Variants in GPR35 observed in about 807,000 individuals in gnomAD.
The protein encoded by GPR35 is KYNA receptor.
For missense variants in GPR35, 372 were observed against 422.5 expected, an observed-to-expected ratio of 0.88 and a Z score of 1.05; for synonymous variants, 207 against 198.4, an observed-to-expected ratio of 1.04 and a Z score of -0.36.
intron 1 of GPR35, chr2:240,628,868 C>G (rs1251427519): frequency 6.6e-6 from 1 of 152,254 alleles, no homozygotes; most frequent in Non-Finnish European, 1.5e-5. Flanking sequence ...ACTGAGTAAC[C>G]CAGGTGGTGG....
At chr2:240,629,639 C>G in intron 1 of GPR35, 1 of 300,816 alleles carries the variant, frequency 3.3e-6, no homozygotes. Context: ...GAGGGTAGGG[C>G]TTGCTGGGCT....
intron 1 of GPR35, chr2:240,628,004 A>G (rs2043397714): frequency 6.6e-6 from 1 of 152,156 alleles, no homozygotes; most frequent in South Asian, 2.1e-4. Context: ...ATCGCCCTCT[A>G]GCTGTGCAGA....
intron 2 of GPR35, among the ~76,000 whole-genome samples, chr2:240,616,107 C>T (rs2043234582): frequency 6.6e-6 from 1 of 152,154 alleles, no homozygotes; most frequent in Non-Finnish European, 1.5e-5. Flanking sequence ...TTCTGTTTCG[C>T]CTGCTTGGTA....
upstream of GPR35, chr2:240,625,399 C>T (rs1002184891): frequency 1.1e-5 from 11 of 985,392 alleles, no homozygotes; most frequent in Non-Finnish European, 1.3e-5. Context: ...GACCTGCTGC[C>T]GTCAGTCAGC....
intron 1 of GPR35, chr2:240,629,723 GAA>G: frequency 2.1e-6 from 1 of 466,736 alleles, no homozygotes; most frequent in South Asian, 4.8e-5. Flanking sequence ...TCCCAGGAGA[GAA>G]GAGCTCAGGA....
rs370600561 is a variant in GPR35 at position 240,627,655 on chromosome 2, T to G, written c.-5+2087T>G. On this transcript the variant is annotated intron_variant, in intron 1 of 1. Coordinates refer to ENST00000407714, the MANE Select transcript of GPR35 (RefSeq NM_005301.5). Reference sequence around the variant, plus strand: ...TTTTTTTTTTTTTTTTTTTTTTTTTTGTAGAGACGGGGTCTCCCTGTGATG... The same window carrying G: ...TTTTTTTTTTTTTTTTTTTTTTTTTGGTAGAGACGGGGTCTCCCTGTGATG... The G allele has an allele frequency of 3.5e-3, 421 of 120,256 alleles. 1 individual carries two copies. Among genetic ancestry groups the G allele is most frequent in the African/African-American group, 0.013 (403 of 31,194 alleles). The allele number at this position is 120,256 out of a possible 1,614,324, so 7.4% of individuals were successfully genotyped here.
chr2:240,611,672 G>A (rs1039076870), intron 2 of GPR35, among the ~76,000 whole-genome samples: 7 of 152,178 alleles, frequency 4.6e-5, no homozygotes, highest in African/African-American at 1.7e-4. Context: ...TGATGAAAGG[G>A]CTGGATGATG....
At chr2:240,617,266 C>A in exon 4 of GPR35, 1 of 707,096 alleles carries the variant, frequency 1.4e-6, no homozygotes, top group Non-Finnish European at 2.6e-6. Context: ...ACTGCAGCCC[C>A]GGCTGACACC....
At chr2:240,606,313 C>G (rs1055777110) in intron 1 of GPR35, 2 of 152,354 alleles carry the variant, frequency 1.3e-5, no homozygotes, top group Non-Finnish European at 1.5e-5. Context: ...GGAGGAGCAG[C>G]CAGGCTTGGG....
At chr2:240,605,462 T>C (rs1457558208) in exon 1 of GPR35, 1 of 152,302 alleles carries the variant, frequency 6.6e-6, no homozygotes, top group African/African-American at 2.4e-5. Context: ...GGCACAGCAG[T>C]TGGTGACTCC....
In GPR35 at chr2:240,630,606, G is replaced by T. The variant is rs1272983864; in HGVS notation, c.654G>T (p.Met218Ile). 1 of 1,612,896 alleles carries T rather than the reference G, an allele frequency of 6.2e-7. No individual in the cohort carries two copies. Among genetic ancestry groups the T allele is most frequent in the African/African-American group, 1.3e-5 (1 of 75,058 alleles). The change falls in exon 2 of 2, where the codon ATG (methionine) becomes ATT (isoleucine). Residue 218 changes from methionine to isoleucine, a missense_variant. Physicochemically the swap from Met to Ile is conservative, Grantham distance 10 (BLOSUM62 1). Coordinates refer to ENST00000407714, the MANE Select transcript of GPR35 (RefSeq NM_005301.5). ...QAEATRKAAR[M>I]VWANLLVFVV... The stretch of plus-strand genomic sequence containing the variant: ...AGGCCACCCGCAAGGCTGCCCGCAT[G>T]GTCTGGGCCAACCTCCTGGTGTTCG...
intron 1 of GPR35, chr2:240,627,881 G>C (rs1430214237): frequency 6.6e-6 from 1 of 152,076 alleles, no homozygotes; most frequent in Non-Finnish European, 1.5e-5. Context: ...CATGGGGAGC[G>C]ATGGGGGAAG....
At chr2:240,627,207 G>A (rs569890041) in intron 1 of GPR35, among the ~76,000 whole-genome samples, 211 of 152,294 alleles carry the variant, frequency 1.4e-3, no homozygotes, top group African/African-American at 4.8e-3. Flanking sequence ...AGATTCCTGT[G>A]CGGGACTGGG....
Position 240,631,106 on chromosome 2 carries a change from G to A in GPR35, c.*224G>A. 2 of 585,158 alleles carry A rather than the reference G, an allele frequency of 3.4e-6. No homozygotes were observed. Among genetic ancestry groups the A allele is most frequent in the South Asian group, 2.3e-5 (1 of 44,356 alleles). The allele number at this position is 585,158 out of a possible 1,614,324, so 36.2% of individuals were successfully genotyped here. ...GGACTGAGGCCAGAGCAAGGCCAAT[G>A]TCAGAGACCCCCGGGATGGGGCCTC... On this transcript the variant is annotated 3_prime_UTR_variant, in exon 2 of 2. Transcript: ENST00000407714.
upstream of GPR35, among the ~76,000 whole-genome samples, chr2:240,622,296 C>G (rs547499316): frequency 5.5e-4 from 84 of 152,292 alleles, 3 homozygotes; most frequent in South Asian, 0.016. Flanking sequence ...CTGTAAACAT[C>G]GTATGACCAT....
rs183697309 is a variant in GPR35 at position 240,613,552 on chromosome 2, A to T, written c.-576-2836A>T. Among the ~76,000 whole-genome samples the T allele has an allele frequency of 6.5e-4, 99 of 152,100 alleles. 2 individuals carry two copies. Among genetic ancestry groups the T allele is most frequent in the African/African-American group, 2.1e-3 (87 of 41,474 alleles). ...ATAACCCTAACCATAACCATAAATC[A>T]TGTGGACTCCAACCCTAATGCTAAC... On this transcript the variant is annotated intron_variant, in intron 2 of 5. Coordinates refer to the GPR35 transcript ENST00000319838.
Position 240,629,965 on chromosome 2 carries a change from T to A in GPR35, c.13T>A (p.Tyr5Asn). 1 of 1,604,536 alleles carries A rather than the reference T, an allele frequency of 6.2e-7. No homozygotes were observed. Among genetic ancestry groups the A allele is most frequent in the Non-Finnish European group, 8.5e-7 (1 of 1,173,238 alleles). MNGT[Y>N]NTCGSSDLTW... ...CTGCCCCAGGACCATGAATGGCACCTACAACACCTGTGGCTCCAGCGACCT... is the reference window on the plus strand; with the variant it reads ...CTGCCCCAGGACCATGAATGGCACCAACAACACCTGTGGCTCCAGCGACCT... Residue 5 changes from tyrosine (Y) to asparagine (N), a missense_variant, in exon 2 of 2, where the codon TAC (tyrosine) becomes AAC (asparagine). By Grantham distance (143) the Tyr-to-Asn change is moderately radical (BLOSUM62 -2). Transcript: ENST00000407714.
chr2:240,613,484 C>A (rs1054544268), intron 2 of GPR35, among the ~76,000 whole-genome samples: 1 of 151,984 alleles, frequency 6.6e-6, no homozygotes, highest in African/African-American at 2.4e-5. Context: ...TAAACCTAAA[C>A]CTCGTGTGGC....
intron 4 of GPR35, chr2:240,617,462 G>A (rs552826196): frequency 1.9e-6 from 1 of 540,278 alleles, no homozygotes; most frequent in African/African-American, 1.9e-5. Flanking sequence ...TAACCCTAAT[G>A]CTAGTTTCAT....
Sources: gnomAD v4.1 joint callset for allele counts (sites outside exome capture counted in the v4.1 genomes callset) on GRCh38, gnomAD v4.1.1 for gene constraint, MANE v1.5 for transcripts, NCBI Gene and HGNC (gene_info 2026-07-23, HGNC 2026-07-21) for gene names.